FGF18: variants seen among roughly 807,000 people sequenced by gnomAD.
FGF18 encodes the protein fibroblast growth factor 18.
In FGF18, 5 loss-of-function variants were observed where a neutral mutation model predicts 23.0. The ratio of observed to expected loss-of-function variants is 0.22; its 90% CI spans 0.11 to 0.46. The LOEUF (loss-of-function observed/expected upper bound fraction) is 0.46, where lower values mean the gene tolerates loss of function less well. FGF18 is among the 20% of genes least tolerant of loss of function. FGF18 has a pLI of 0.99. For missense variants in FGF18, 180 were observed against 291.6 expected (o/e 0.62, Z 2.79); for synonymous variants, 117 against 118.9 (o/e 0.98, Z 0.10).
At chr5:171,439,890 A>G (rs1772315375) in intron 3 of FGF18, among the ~76,000 whole-genome samples, 1 of 151,862 alleles carries the variant, frequency 6.6e-6, no homozygotes, top group South Asian at 2.1e-4. Context: ...TCTCTGTTTG[A>G]GAAAAAAAAA....
rs976463680 is a variant in FGF18, at chr5:171,430,289, C to T, written c.70-5804C>T. 2.8e-5 allele frequency among the ~76,000 whole-genome samples: 4 copies of T among 144,310 alleles called. No homozygotes were observed. In the East Asian group the frequency reaches 6.2e-4, roughly 22 times the overall value. The allele number at this position is 144,310 out of a possible 152,430, so 94.7% of individuals were successfully genotyped here. A position where few individuals can be genotyped will look rare whatever the true frequency, so the allele number is the denominator to read the frequency against. On this transcript the variant is annotated intron_variant, in intron 2 of 4. Transcript: ENST00000274625. ...GGGAGAATCACATGAACCCAGGTGG[C>T]GGAGATTGCAGTGAGCCAAGATCAC... is the stretch of plus-strand genomic sequence containing the variant.
rs141172999 is a variant in FGF18, at chr5:171,453,959, T to C, written c.358-2580T>C. 6.4e-4 allele frequency among the ~76,000 whole-genome samples: 98 copies of C among 152,142 alleles called. No homozygotes were observed. The East Asian group carries it at 0.018, about 27-fold the overall frequency. ...TGAAAATGCGTTCAACCCCAAATGC[T>C]CGGGGCACCCCTGTCTTGAGCTAAG... On this transcript the variant is annotated intron_variant, in intron 4 of 4. Coordinates refer to ENST00000274625, the MANE Select transcript of FGF18 (RefSeq NM_003862.3).
intron 4 of FGF18, among the ~76,000 whole-genome samples, chr5:171,450,113 G>A (rs1772477514): frequency 6.6e-6 from 1 of 151,736 alleles, no homozygotes; most frequent in Admixed American, 6.6e-5. Context: ...GGTGGAGTGG[G>A]GTGGAGGGTA....
chr5:171,443,501 ATTTTTTTTTTTTTTTT>A (rs59576538), intron 3 of FGF18, among the ~76,000 whole-genome samples: 3 of 63,742 alleles, frequency 4.7e-5, no homozygotes, highest in Admixed American at 2.8e-4. Flanking sequence ...TGTTATCATC[ATTTTTTTTTTTTTTTT>A]TTTTTTTTTT....
In FGF18 at chr5:171,451,795, C is replaced by G. The variant is rs559723632; in HGVS notation, c.357+2542C>G. Among the ~76,000 whole-genome samples the G allele has an allele frequency of 1.3e-5, 2 of 152,314 alleles. No individual in the cohort carries two copies. The highest frequency in any genetic ancestry group is 3.9e-4 in the East Asian group (2 of 5,168). ...CATGGACGGGGCCTTCGGGCACTGT[C>G]CATGCTGTGCCCTCTGCCGGGACTG... On this transcript the variant is annotated intron_variant, in intron 4 of 4. Coordinates refer to ENST00000274625, the MANE Select transcript of FGF18 (RefSeq NM_003862.3). This position sits in a 1 kb window ranked among gnomAD's most constrained non-coding sequence, Gnocchi z 4.5.
intron 4 of FGF18, among the ~76,000 whole-genome samples, chr5:171,455,280 G>A (rs1412649654): frequency 6.6e-6 from 1 of 152,156 alleles, no homozygotes; most frequent in Non-Finnish European, 1.5e-5. Context: ...TTGGCCATGC[G>A]AAATCTCTTA....
chr5:171,454,676 G>T (rs1772557720), intron 4 of FGF18, among the ~76,000 whole-genome samples: 1 of 152,226 alleles, frequency 6.6e-6, no homozygotes. Flanking sequence ...GGAAGCTCCA[G>T]CCTGTTTTCC....
intron 2 of FGF18, among the ~76,000 whole-genome samples, chr5:171,432,493 C>T (rs1772195113): frequency 6.6e-6 from 1 of 152,194 alleles, no homozygotes; most frequent in Non-Finnish European, 1.5e-5. Flanking sequence ...ATGGCAACCT[C>T]TGCCTCCCAG....
intron 3 of FGF18, among the ~76,000 whole-genome samples, chr5:171,437,674 G>GC (rs1022703970): frequency 6.6e-6 from 1 of 152,158 alleles, no homozygotes; most frequent in African/African-American, 2.4e-5. Context: ...ATCCCTCGTG[G>GC]CCCCCTCCAC....
Position 171,436,066 on chromosome 5 carries a change from G to A in FGF18, c.70-27G>A, listed in dbSNP as rs374175992. ...CAGTGGGCCTGGGACATCTGGGGTGGCTTACTGTGTCCTTTTCCCTGCCCA... is the reference window on the plus strand; with the variant it reads ...CAGTGGGCCTGGGACATCTGGGGTGACTTACTGTGTCCTTTTCCCTGCCCA... On this transcript the variant is annotated intron_variant, in intron 2 of 4. Transcript: ENST00000274625. The surrounding 1 kb of genome is among the most constrained non-coding windows in gnomAD (Gnocchi z 4.4). 6.1e-5 allele frequency: 91 copies of A among 1,490,540 alleles called. No homozygotes were observed. In the African/African-American group the frequency reaches 1.1e-3, roughly 17 times the overall value. The allele number at this position is 1,490,540 out of a possible 1,614,324, so 92.3% of individuals were successfully genotyped here.
At chr5:171,449,105 CT>C (rs1156405489) in intron 3 of FGF18, 41 bp from the exon 4 acceptor site, 2 of 1,436,982 alleles carry the variant, frequency 1.4e-6, no homozygotes, top group South Asian at 1.1e-5. Flanking sequence ...GCCATTGCCC[CT>C]GGTAATAAAA....
chr5:171,429,032 G>A (rs1444059444), intron 2 of FGF18, among the ~76,000 whole-genome samples: 4 of 152,230 alleles, frequency 2.6e-5, no homozygotes, highest in Non-Finnish European at 2.9e-5. Context: ...ACAGTCTGGG[G>A]GGTGGGGAAG....
chr5:171,452,003 G>T (rs913539519), intron 4 of FGF18, among the ~76,000 whole-genome samples: 1 of 152,202 alleles, frequency 6.6e-6, no homozygotes, highest in African/African-American at 2.4e-5. Flanking sequence ...CCCTGAGGGC[G>T]GATTCTGCAT....
intron 2 of FGF18, among the ~76,000 whole-genome samples, chr5:171,426,459 C>G (rs1772090268): frequency 6.6e-6 from 1 of 152,228 alleles, no homozygotes; most frequent in Non-Finnish European, 1.5e-5. Flanking sequence ...GGGGCTTGGG[C>G]CTGCTGTCAG....
chr5:171,427,086 G>C (rs1772101098), intron 2 of FGF18, among the ~76,000 whole-genome samples: 1 of 151,906 alleles, frequency 6.6e-6, no homozygotes, highest in Middle Eastern at 3.2e-3. Flanking sequence ...GGGTGCCTGT[G>C]ATCCCAGCTA....
At position 171,440,224 on chromosome 5, in the gene FGF18, GT is replaced by G. The variant is rs1328769806; in HGVS notation, c.250+3952del. 3.3e-5 allele frequency among the ~76,000 whole-genome samples: 4 copies of G among 121,822 alleles called. No individual in the cohort carries two copies. The highest frequency in any genetic ancestry group is 9.5e-5 in the African/African-American group (3 of 31,550). The allele number at this position is 121,822 out of a possible 152,430, so 79.9% of individuals were successfully genotyped here. A position where few individuals can be genotyped will look rare whatever the true frequency, so the allele number is the denominator to read the frequency against. On this transcript the variant is annotated intron_variant, in intron 3 of 4. Transcript: ENST00000274625. This position sits in a 1 kb window ranked among gnomAD's most constrained non-coding sequence, Gnocchi z 4.0. ...CACCTGACCTCCTTACTATGGGTGT[GT>G]GGGGGGGGGTGGTGCCATCGCGGGC...
chr5:171,449,312 C>A (rs2113360795), intron 4 of FGF18, 59 bp downstream of exon 4: 1 of 1,175,646 alleles, frequency 8.5e-7, no homozygotes, highest in Non-Finnish European at 1.3e-6. Context: ...GCTCTGGGAG[C>A]TGGAACAATG....
rs1381181557 is a variant in FGF18, at chr5:171,420,198, C to T, written c.-2C>T. On this transcript the variant is annotated 5_prime_UTR_variant, in exon 1 of 5. Coordinates refer to ENST00000274625, the MANE Select transcript of FGF18 (RefSeq NM_003862.3). Reference sequence around the variant, plus strand: ...GAGCCGCCGCCTCCCTCCCGCCCAGCGATGTATTCAGCGCCCTCCGCCTGC... The same window carrying T: ...GAGCCGCCGCCTCCCTCCCGCCCAGTGATGTATTCAGCGCCCTCCGCCTGC... 6.5e-7 allele frequency: 1 copy of T among 1,548,034 alleles called. No individual in the cohort carries two copies. The highest frequency in any genetic ancestry group is 2.4e-5 in the East Asian group (1 of 41,162).
At chr5:171,424,164 T>G (rs895831788) in intron 2 of FGF18, among the ~76,000 whole-genome samples, 10 of 152,124 alleles carry the variant, frequency 6.6e-5, no homozygotes, top group Admixed American at 3.3e-4. Flanking sequence ...GGGAATAAGG[T>G]CTAGTCAGTC....
Sources: gnomAD v4.1 joint callset for allele counts (sites outside exome capture counted in the v4.1 genomes callset) on GRCh38, gnomAD v4.1.1 for gene constraint, Gnocchi (gnomAD v3.1) non-coding constraint, MANE v1.5 for transcripts, NCBI Gene and HGNC (gene_info 2026-07-23, HGNC 2026-07-21) for gene names.